AEBP2: variants seen among roughly 807,000 people sequenced by gnomAD.
The protein encoded by AEBP2 is zinc finger protein AEBP2.
AEBP2 carries 10 observed loss-of-function variants against 50.8 expected under a neutral mutation model. The observed-to-expected ratio is 0.20, with a 90% CI of 0.12 to 0.33. The LOEUF (loss-of-function observed/expected upper bound fraction) is 0.33, where lower values mean the gene tolerates loss of function less well. Ranked by LOEUF, AEBP2 falls within the 10% of genes least tolerant of loss-of-function variation. AEBP2 has a pLI of 1.00. For synonymous variants in AEBP2, 296 were observed against 261.3 expected, an observed-to-expected ratio of 1.13 and a Z score of -1.28; for missense variants, 570 against 688.0, an observed-to-expected ratio of 0.83 and a Z score of 1.92.
chr12:19,406,790 G>A (rs117166572), intron 1 of AEBP2, among the ~76,000 whole-genome samples: 3,420 of 152,176 alleles, frequency 0.022, 46 homozygotes, highest in East Asian at 0.043. Context: ...AGATCATCTG[G>A]ATTTTCTCCT....
In AEBP2 at chr12:19,499,954, C is replaced by G. The variant is rs535981553; in HGVS notation, c.1175-143C>G. The stretch of plus-strand genomic sequence containing the variant: ...TGCTTTTGCATATTAGTCTTCTTAT[C>G]TAGAGTCCATGTTTTGTAAGCAAAT... On this transcript the variant is annotated intron_variant, in intron 4 of 7. Transcript: ENST00000266508. 617 of 813,266 alleles carry G rather than the reference C, an allele frequency of 7.6e-4. 4 individuals carry two copies. In the South Asian group the frequency reaches 0.011, roughly 14 times the overall value. The allele number at this position is 813,266 out of a possible 1,614,324, so 50.4% of individuals were successfully genotyped here. A position where few individuals can be genotyped will look rare whatever the true frequency, so the allele number is the denominator to read the frequency against.
intron 5 of AEBP2, among the ~76,000 whole-genome samples, chr12:19,502,209 ACTG>A (rs1371879104): frequency 2.0e-5 from 3 of 152,062 alleles, no homozygotes; most frequent in Non-Finnish European, 2.9e-5. Context: ...ATCTAGGCTC[ACTG>A]CAACCTCCAC....
At chr12:19,478,704 A>C (rs1226488306) in intron 3 of AEBP2, among the ~76,000 whole-genome samples, 12 of 152,160 alleles carry the variant, frequency 7.9e-5, no homozygotes, top group African/African-American at 2.9e-4. Context: ...TTTAATTTCC[A>C]CCTTGATTTC....
intron 3 of AEBP2, among the ~76,000 whole-genome samples, chr12:19,483,612 A>G (rs2120363193): frequency 6.6e-6 from 1 of 152,046 alleles, no homozygotes. Context: ...TCCTATCTCC[A>G]TCTTCCTCCT....
chr12:19,410,592 G>A (rs1264037729), intron 1 of AEBP2, among the ~76,000 whole-genome samples: 1 of 152,028 alleles, frequency 6.6e-6, no homozygotes. Context: ...CCCCTGTTTC[G>A]TGACCTTCAT....
chr12:19,416,886 T>C (rs2095742884), intron 1 of AEBP2, among the ~76,000 whole-genome samples: 1 of 150,480 alleles, frequency 6.6e-6, no homozygotes, highest in African/African-American at 2.4e-5. Flanking sequence ...TCTTTTTTTT[T>C]TTTGAGTTGG....
chr12:19,419,692 G>A lies in AEBP2; in HGVS notation c.-17+15476G>A, dbSNP rs532802040. 2.8e-4 allele frequency among the ~76,000 whole-genome samples: 42 copies of A among 152,250 alleles called. No homozygotes were observed. In the South Asian group the frequency reaches 5.6e-3, roughly 20 times the overall value. On this transcript the variant is annotated intron_variant, in intron 1 of 3. Coordinates refer to the AEBP2 transcript ENST00000538425. Reference sequence around the variant, plus strand: ...CCCCTGTAATCCCAGCACTTTGGGAGGCCGAAGCGGGCAGATAGACTGAAC... The same window carrying A: ...CCCCTGTAATCCCAGCACTTTGGGAAGCCGAAGCGGGCAGATAGACTGAAC...
chr12:19,473,720 A>G (rs961079471), intron 3 of AEBP2, among the ~76,000 whole-genome samples: 2 of 152,166 alleles, frequency 1.3e-5, no homozygotes, highest in African/African-American at 4.8e-5. Context: ...TTTCTTTTAA[A>G]TGTTAGCTTA....
At chr12:19,483,214 G>T (rs1005813596) in intron 3 of AEBP2, among the ~76,000 whole-genome samples, 1 of 152,134 alleles carries the variant, frequency 6.6e-6, no homozygotes, top group Non-Finnish European at 1.5e-5. Flanking sequence ...GTCGGGGATG[G>T]CTTCCCTGGG....
At chr12:19,495,493 C>T (rs138528100) in intron 4 of AEBP2, among the ~76,000 whole-genome samples, 1,793 of 151,622 alleles carry the variant, frequency 0.012, 21 homozygotes, top group Middle Eastern at 0.038. Context: ...TTTTTTTCTA[C>T]CTCATTAACT....
In AEBP2 at chr12:19,518,799, TG is replaced by T; in HGVS notation, c.*684del. The T allele has an allele frequency of 1.6e-6, 2 of 1,290,062 alleles. No individual in the cohort carries two copies. The highest frequency in any genetic ancestry group is 1.7e-5 in the South Asian group (1 of 57,652). 79.9% of individuals were successfully genotyped at this position (1,290,062 alleles called of 1,614,324 possible). A position where few individuals can be genotyped will look rare whatever the true frequency, so the allele number is the denominator to read the frequency against. On this transcript the variant is annotated 3_prime_UTR_variant, in exon 8 of 8. Transcript: ENST00000266508. ...CTGTTAAAGAGTGTTGCAGTATGTC[TG>T]GTGGCTCCCTTTTCAGGACTAGGGC...
In AEBP2 at chr12:19,518,781, A is replaced by G. The variant is rs1188591731; in HGVS notation, c.*664A>G. The G allele has an allele frequency of 7.1e-7, 1 of 1,399,240 alleles. No individual in the cohort carries two copies. Among genetic ancestry groups the G allele is most frequent in the Non-Finnish European group, 9.7e-7 (1 of 1,034,960 alleles). 86.7% of individuals were successfully genotyped at this position (1,399,240 alleles called of 1,614,324 possible). Reference sequence around the variant, plus strand: ...AATTAGGGCTGAAAATTACTGTTAAAGAGTGTTGCAGTATGTCTGGTGGCT... The same window carrying G: ...AATTAGGGCTGAAAATTACTGTTAAGGAGTGTTGCAGTATGTCTGGTGGCT... On this transcript the variant is annotated 3_prime_UTR_variant, in exon 8 of 8. Coordinates refer to ENST00000266508, the MANE Select transcript of AEBP2 (RefSeq NM_153207.5).
chr12:19,459,530 CGGGGGAAACT>C (rs1948334968), intron 1 of AEBP2, among the ~76,000 whole-genome samples: 1 of 152,058 alleles, frequency 6.6e-6, no homozygotes, highest in Non-Finnish European at 1.5e-5. Flanking sequence ...CGCGCCCGGC[CGGGGGAAACT>C]TGAAATTTCT....
intron 1 of AEBP2, among the ~76,000 whole-genome samples, chr12:19,407,085 C>G (rs925866227): frequency 3.9e-5 from 6 of 152,076 alleles, no homozygotes; most frequent in Non-Finnish European, 8.8e-5. Context: ...GAAGATTACT[C>G]AAGCCCAATA....
intron 1 of AEBP2, among the ~76,000 whole-genome samples, chr12:19,411,507 C>G (rs1449849730): frequency 6.6e-6 from 1 of 152,102 alleles, no homozygotes; most frequent in Non-Finnish European, 1.5e-5. Context: ...ACATTTTGGC[C>G]AGGGCCTTTT....
chr12:19,445,312 C>T (rs899272705), intron 1 of AEBP2, among the ~76,000 whole-genome samples: 1 of 152,100 alleles, frequency 6.6e-6, no homozygotes, highest in African/African-American at 2.4e-5. Context: ...AATTCTCCTG[C>T]CTCAGCCTCC....
At chr12:19,445,507 C>G (rs1948045055) in intron 1 of AEBP2, among the ~76,000 whole-genome samples, 1 of 152,094 alleles carries the variant, frequency 6.6e-6, no homozygotes, top group Non-Finnish European at 1.5e-5. Context: ...AGCCACCGTG[C>G]CCGGCCTCAT....
intron 4 of AEBP2, among the ~76,000 whole-genome samples, chr12:19,495,547 C>CTTTTTTTTTTTTTTTT (rs35060511): frequency 2.2e-4 from 31 of 141,028 alleles, no homozygotes; most frequent in East Asian, 4.1e-4. Flanking sequence ...TTCATTCTTG[C>CTTTTTTTTTTTTTTTT]TTTTTTTTTT....
chr12:19,415,119 G>C (rs1202492814), intron 1 of AEBP2, among the ~76,000 whole-genome samples: 2 of 149,556 alleles, frequency 1.3e-5, no homozygotes, highest in Non-Finnish European at 3.0e-5. Flanking sequence ...AGACAGTCCT[G>C]GACAACGTGG....
Sources: allele counts gnomAD v4.1 joint callset (sites outside exome capture counted in the v4.1 genomes callset), GRCh38; gene constraint gnomAD v4.1.1; transcripts MANE v1.5; gene names NCBI Gene and HGNC (gene_info 2026-07-23, HGNC 2026-07-21).